PRKDC: variants seen among roughly 807,000 people sequenced by gnomAD.
The protein encoded by PRKDC is protein kinase, DNA-activated, catalytic subunit.
A neutral mutation model predicts 486.9 loss-of-function variants in PRKDC; 82 were observed. That is an observed-to-expected ratio of 0.17 (90% CI 0.14 to 0.20). The LOEUF (loss-of-function observed/expected upper bound fraction) is 0.20, where lower values mean the gene tolerates loss of function less well. PRKDC is among the 10% of genes least tolerant of loss of function. The probability of loss-of-function intolerance (pLI) is 1.00; values close to 1 mark genes in which losing one functional copy is unlikely to be tolerated. For synonymous variants in PRKDC, 1,895 were observed against 1,837.0 expected (o/e 1.03, Z -0.81); for missense variants, 4,504 against 5,038.2 (o/e 0.89, Z 3.21).
rs527909200 is a variant in PRKDC, at chr8:47,853,375, G to A, written c.6894-591C>T. Among the ~76,000 whole-genome samples the A allele has an allele frequency of 2.9e-4, 44 of 152,360 alleles. 1 individual carries two copies. The South Asian group carries it at 8.9e-3, about 31-fold the overall frequency. ...CTCTGGCACCAGTAACTGGTCCGAC[G>A]GTGCTGGGGGGCCAACACGGAGGAC... On this transcript the variant is annotated intron_variant, in intron 51 of 85. Transcript: ENST00000314191.
At chr8:47,854,457 G>A (rs1418879546) in intron 50 of PRKDC, among the ~76,000 whole-genome samples, 3 of 152,106 alleles carry the variant, frequency 2.0e-5, no homozygotes, top group Non-Finnish European at 4.4e-5. Flanking sequence ...TCCTGCCTCA[G>A]CCTCCCAAGC....
chr8:47,926,996 A>T (rs950437749), intron 21 of PRKDC, 198 bp downstream of exon 21: 5 of 585,456 alleles, frequency 8.5e-6, no homozygotes, highest in Non-Finnish European at 8.5e-6. Context: ...TAAATGAAAA[A>T]TTTTTTAATA....
intron 40 of PRKDC, among the ~76,000 whole-genome samples, chr8:47,868,657 AG>A (rs2088873019): frequency 1.3e-5 from 2 of 152,238 alleles, no homozygotes; most frequent in South Asian, 4.1e-4. Flanking sequence ...TCTCCCCCGC[AG>A]AACGCCAAAA....
Position 47,900,429 on chromosome 8 carries a change from G to A in PRKDC, c.3308C>T (p.Ala1103Val), listed in dbSNP as rs371342102. The change falls in exon 28 of 86, where the codon GCC (alanine) becomes GTC (valine). Residue 1103 changes from alanine (A) to valine (V), a missense_variant. Physicochemically the swap from Ala to Val is moderately conservative, Grantham distance 64 (BLOSUM62 0). Transcript: ENST00000314191. ...ESLVEQFVFE[A>V]LVIYMESLAL... ...CAGACTCTCCATGTATATCACCAAG[G>A]CTTCAAACACAAACTGTTCCACCAG... The A allele has an allele frequency of 1.9e-5, 30 of 1,611,542 alleles. No individual in the cohort carries two copies. The highest frequency in any genetic ancestry group is 5.3e-5 in the African/African-American group (4 of 74,892).
At chr8:47,816,879 A>G (rs1211517123) in intron 68 of PRKDC, among the ~76,000 whole-genome samples, 2 of 151,996 alleles carry the variant, frequency 1.3e-5, no homozygotes, top group Non-Finnish European at 2.9e-5. Context: ...ACTTGGGGTC[A>G]GAGTCCTTAA....
chr8:47,939,236 G>A (rs996057565), intron 11 of PRKDC, among the ~76,000 whole-genome samples: 4 of 152,128 alleles, frequency 2.6e-5, no homozygotes, highest in Non-Finnish European at 5.9e-5. Context: ...CAGTACATGC[G>A]GGAGGGATTG....
intron 40 of PRKDC, among the ~76,000 whole-genome samples, chr8:47,873,227 CAAAAAAAAAAA>C (rs60385860): frequency 8.4e-5 from 6 of 71,076 alleles, no homozygotes; most frequent in African/African-American, 1.5e-4. Flanking sequence ...GACTCCATCT[CAAAAAAAAAAA>C]AAAAAAAAAA....
intron 37 of PRKDC, 82 bp from the exon 38 acceptor site, chr8:47,881,602 T>C: frequency 1.3e-6 from 1 of 750,150 alleles, no homozygotes; most frequent in East Asian, 2.8e-5. Flanking sequence ...ATGTTTAAAT[T>C]CCAGAAATGA....
intron 24 of PRKDC, 54 bp from the exon 25 acceptor site, chr8:47,912,616 GAATAT>G (rs2089924100): frequency 6.8e-7 from 1 of 1,460,118 alleles, no homozygotes; most frequent in African/African-American, 1.4e-5. Flanking sequence ...GATGACAAGA[GAATAT>G]TTGAAATGTC....
intron 5 of PRKDC, 30 bp from the exon 6 acceptor site, chr8:47,953,949 C>A (rs763715571): frequency 3.9e-6 from 5 of 1,287,110 alleles, no homozygotes; most frequent in African/African-American, 3.0e-5. Context: ...CAAGTGAAGG[C>A]CTCAAACTAC....
At position 47,890,399 on chromosome 8, in the gene PRKDC, T is replaced by A; in HGVS notation, c.3929A>T (p.Glu1310Val). ...TGCTGCCCCAGTGCCAAAGCACTTT[T>A]CTGCTGCTATAATGTCATGCATGGC... ...SIAMHDIIAA[E>V]KCFGTGAAGN... Residue 1310 changes from glutamate (E) to valine (V), a missense_variant, in exon 32 of 86, where the codon GAA (glutamate) becomes GTA (valine). Glu to Val is a moderately radical substitution (Grantham distance 121, BLOSUM62 -2). Transcript: ENST00000314191. The A allele has an allele frequency of 6.2e-7, 1 of 1,607,352 alleles. No individual in the cohort carries two copies. Among genetic ancestry groups the A allele is most frequent in the Non-Finnish European group, 8.5e-7 (1 of 1,176,584 alleles).
rs1206852212 is a variant in PRKDC at position 47,931,551 on chromosome 8, T to C, written c.1777-764A>G. Among the ~76,000 whole-genome samples, 3 of 151,666 alleles carry C rather than the reference T, an allele frequency of 2.0e-5. No homozygotes were observed. In the East Asian group the frequency reaches 5.8e-4, roughly 29 times the overall value. ...GACATTTGCAAAGCACAGAGAGCAATAAACCACACATCAGTGTTGCTACCT... is the reference window on the plus strand; with the variant it reads ...GACATTTGCAAAGCACAGAGAGCAACAAACCACACATCAGTGTTGCTACCT... On this transcript the variant is annotated intron_variant, in intron 16 of 85. Transcript: ENST00000314191.
chr8:47,837,136 G>T, intron 57 of PRKDC, 76 bp downstream of exon 57: 1 of 1,398,236 alleles, frequency 7.2e-7, no homozygotes, highest in Non-Finnish European at 9.8e-7. Flanking sequence ...CAAAGAGCCA[G>T]TCAAAGCTAT....
chr8:47,790,191 C>T (rs1018744725), intron 74 of PRKDC, among the ~76,000 whole-genome samples: 4 of 152,190 alleles, frequency 2.6e-5, no homozygotes, highest in African/African-American at 7.2e-5. Flanking sequence ...ACCATCAGAA[C>T]TGATAAATTC....
Position 47,879,537 on chromosome 8 carries a change from G to A in PRKDC, c.5189C>T (p.Pro1730Leu). Residue 1730 changes from proline (P) to leucine (L), a missense_variant, in exon 39 of 86, where the codon CCT (proline) becomes CTT (leucine). Pro to Leu is a moderately conservative substitution (Grantham distance 98). This residue lies in a region of PRKDC where 1,969 missense variants were observed against 2,068.9 expected (regional missense o/e 0.95). Coordinates refer to ENST00000314191, the MANE Select transcript of PRKDC (RefSeq NM_006904.7). ...AHFPMQSREF[P>L]PGTPRFNNYV... ...ATTATTGAACCGCGGAGTTCCTGGA[G>A]GAAATTCCCTGGACTGCATGGGGAA... is the stretch of plus-strand genomic sequence containing the variant. 6.3e-7 allele frequency: 1 copy of A among 1,598,594 alleles called. No homozygotes were observed. The highest frequency in any genetic ancestry group is 8.5e-7 in the Non-Finnish European group (1 of 1,172,178).
intron 82 of PRKDC, 24 bp from the exon 83 acceptor site, chr8:47,778,684 G>A (rs763546444): frequency 6.8e-6 from 11 of 1,613,050 alleles, no homozygotes; most frequent in South Asian, 4.4e-5. Flanking sequence ...ACAGCTGTGC[G>A]GCTGCTGTGA....
chr8:47,863,308 A>G (rs1438610051), intron 42 of PRKDC, 91 bp downstream of exon 42: 6 of 1,094,732 alleles, frequency 5.5e-6, no homozygotes, highest in African/African-American at 1.6e-5. Context: ...ATCTAAATAA[A>G]ATATTTATTC....
chr8:47,959,840 A>G, intron 1 of PRKDC, 133 bp downstream of exon 1: 1 of 1,417,980 alleles, frequency 7.1e-7, no homozygotes, highest in Non-Finnish European at 9.3e-7. Flanking sequence ...CATACACAGA[A>G]ATTCCCCCAA....
chr8:47,940,743 A>G (rs917552338), intron 10 of PRKDC, among the ~76,000 whole-genome samples: 50 of 152,236 alleles, frequency 3.3e-4, no homozygotes, highest in African/African-American at 1.2e-3. Flanking sequence ...TTTCCTGGAT[A>G]TAGTATTAAA....
Sources: gnomAD v4.1 joint callset for allele counts (sites outside exome capture counted in the v4.1 genomes callset) on GRCh38, gnomAD v4.1.1 for gene constraint, gnomAD v4.1.1 regional missense constraint, MANE v1.5 for transcripts, NCBI Gene and HGNC (gene_info 2026-07-23, HGNC 2026-07-21) for gene names.